Variants in RNF20 observed in about 807,000 individuals in gnomAD.
RNF20 encodes the protein E3 ubiquitin-protein ligase BRE1A.
A neutral mutation model predicts 126.2 loss-of-function variants in RNF20; 84 were observed. The observed-to-expected ratio is 0.67, with a 90% CI of 0.56 to 0.80. The LOEUF (loss-of-function observed/expected upper bound fraction) is 0.80. Among genes scored for constraint, RNF20 ranks in the 30% least tolerant of loss-of-function variants. RNF20 has a pLI of 0.00. For synonymous variants in RNF20, 400 were observed against 414.3 expected (o/e 0.97, Z 0.42); for missense variants, 869 against 1,188.2 (o/e 0.73, Z 3.95).
Position 101,557,412 on chromosome 9 carries a change from A to G in RNF20, c.2198A>G (p.Asp733Gly). 6.2e-7 allele frequency: 1 copy of G among 1,613,824 alleles called. No homozygotes were observed. Among genetic ancestry groups the G allele is most frequent in the East Asian group, 2.2e-5 (1 of 44,858 alleles). The stretch of plus-strand genomic sequence containing the variant: ...GAAGAAGCACTCCTCTCTGAAATGG[A>G]TGTCACAGGCCAGGCCTTTGAAGAC... Reference protein sequence around the residue: ...QEEEALLSEMDVTGQAFEDMQ... With the variant: ...QEEEALLSEMGVTGQAFEDMQ... The change falls in exon 16 of 20, where the codon GAT becomes GGT. Residue 733 changes from aspartate to glycine, a missense_variant. By Grantham distance (94) the Asp-to-Gly change is moderately conservative (BLOSUM62 -1). This residue lies in a region of RNF20 where 30 missense variants were observed against 75.2 expected (regional missense o/e 0.40). Coordinates refer to ENST00000389120, the MANE Select transcript of RNF20 (RefSeq NM_019592.7).
At chr9:101,555,265 A>G (rs527236586) in intron 15 of RNF20, among the ~76,000 whole-genome samples, 17 of 151,968 alleles carry the variant, frequency 1.1e-4, no homozygotes, top group African/African-American at 4.1e-4. Context: ...ATATATTTCT[A>G]TGTAGTACAT....
chr9:101,543,038 T>G (rs957881575), intron 5 of RNF20, among the ~76,000 whole-genome samples: 5 of 152,252 alleles, frequency 3.3e-5, no homozygotes, highest in African/African-American at 1.2e-4. Context: ...TAGTTTCTAC[T>G]TCCCCATTCC....
At chr9:101,556,532 T>G (rs932667079) in intron 15 of RNF20, among the ~76,000 whole-genome samples, 1 of 152,178 alleles carries the variant, frequency 6.6e-6, no homozygotes, top group Non-Finnish European at 1.5e-5. Context: ...ACTAGGATGA[T>G]TTCCAAATGG....
chr9:101,557,514 G>GT lies in RNF20; in HGVS notation c.2301dup (p.Ile768TyrfsTer8). 1.2e-6 allele frequency: 2 copies of GT among 1,613,980 alleles called. No homozygotes were observed. Among genetic ancestry groups the GT allele is most frequent in the African/African-American group, 1.3e-5 (1 of 75,022 alleles). On this transcript the variant is annotated frameshift_variant, in exon 16 of 20. Coordinates refer to ENST00000389120, the MANE Select transcript of RNF20 (RefSeq NM_019592.7). LOFTEE classifies it high-confidence loss of function. ...GCAAATTTCAAGCTCATGTCAGAGC[G>GT]TATCAAGTCCAATCAGATCCATAAG...
Position 101,557,575 on chromosome 9 carries a change from G to C in RNF20, c.2361G>C (p.Gln787His). The C allele has an allele frequency of 2.5e-6, 4 of 1,613,678 alleles. No homozygotes were observed. In the East Asian group the frequency reaches 6.7e-5, roughly 27 times the overall value. Residue 787 changes from glutamine (Q) to histidine (H), a missense_variant, in exon 16 of 20, where the codon CAG becomes CAC. Physicochemically the swap from Gln to His is conservative, Grantham distance 24 (BLOSUM62 0). This residue lies in a region of RNF20 where 150 missense variants were observed against 173.7 expected (regional missense o/e 0.86). Transcript: ENST00000389120. ...AAGAGAAGGAGGAGCTGGCAGACCA[G>C]GTGTTGACTCTGAAGACTCAGGTAA... is the stretch of plus-strand genomic sequence containing the variant. Reference protein sequence around the residue: ...LKEEKEELADQVLTLKTQVDA... With the variant: ...LKEEKEELADHVLTLKTQVDA...
At chr9:101,534,141 C>G (rs1026939328) in intron 1 of RNF20, 2 of 152,066 alleles carry the variant, frequency 1.3e-5, no homozygotes, top group African/African-American at 4.8e-5. Flanking sequence ...TCTTCTCTCT[C>G]CAGGCGAGGT....
At chr9:101,553,906 C>A (rs2118722811) in intron 13 of RNF20, 82 bp from the exon 14 acceptor site, 2 of 733,160 alleles carry the variant, frequency 2.7e-6, no homozygotes, top group East Asian at 5.3e-5. Context: ...TTAAAATATT[C>A]TGCTCAATCA....
At chr9:101,557,316 G>C (rs1789166470) in intron 15 of RNF20, 68 bp from the exon 16 acceptor site, 1 of 1,185,216 alleles carries the variant, frequency 8.4e-7, no homozygotes, top group Non-Finnish European at 1.2e-6. Context: ...GGAAAATTTA[G>C]TTTCCTGTGC....
intron 5 of RNF20, among the ~76,000 whole-genome samples, chr9:101,543,230 A>G (rs541210083): frequency 1.3e-5 from 2 of 152,264 alleles, no homozygotes; most frequent in South Asian, 2.1e-4. Flanking sequence ...AGTAAGGTCT[A>G]TAAATTCATC....
intron 9 of RNF20, among the ~76,000 whole-genome samples, chr9:101,547,791 T>C (rs149154340): frequency 3.1e-4 from 47 of 152,320 alleles, no homozygotes; most frequent in African/African-American, 1.1e-3. Context: ...ATAAAGATGC[T>C]CGCTGTCATT....
chr9:101,561,943 A>G lies in RNF20; in HGVS notation c.2683A>G (p.Thr895Ala), dbSNP rs1270881042. The G allele has an allele frequency of 1.9e-6, 3 of 1,613,606 alleles. No homozygotes were observed. The East Asian group carries it at 6.7e-5, about 36-fold the overall frequency. The change falls in exon 19 of 20, where the codon ACC becomes GCC. Residue 895 changes from threonine to alanine, a missense_variant. This residue lies in a region of RNF20 where 150 missense variants were observed against 173.7 expected (regional missense o/e 0.86). Transcript: ENST00000389120. Reference sequence around the variant, plus strand: ...CTCTAGACTTCGCAGGAAGCTGGAGACCACAAAGAAACCAGACAATGTACC... The same window carrying G: ...CTCTAGACTTCGCAGGAAGCTGGAGGCCACAAAGAAACCAGACAATGTACC... The part of the protein sequence containing the change: ...DISRLRRKLE[T>A]TKKPDNVPKC...
intron 15 of RNF20, 80 bp downstream of exon 15, chr9:101,554,923 T>C (rs1000830573): frequency 5.9e-6 from 7 of 1,183,744 alleles, no homozygotes; most frequent in Non-Finnish European, 6.6e-6. Context: ...AAATTTGCTT[T>C]TTTATTTTGG....
At chr9:101,560,976 A>G in intron 17 of RNF20, 50 bp downstream of exon 17, 1 of 1,602,280 alleles carries the variant, frequency 6.2e-7, no homozygotes. Flanking sequence ...ACAAATAAGT[A>G]TAACACTGTT....
At chr9:101,554,306 G>A (rs978486173) in intron 14 of RNF20, among the ~76,000 whole-genome samples, 6 of 152,100 alleles carry the variant, frequency 3.9e-5, no homozygotes, top group Admixed American at 3.9e-4. Context: ...TGAATTACTG[G>A]GGTTATGAGT....
intron 19 of RNF20, 104 bp downstream of exon 19, chr9:101,562,115 T>G: frequency 7.7e-7 from 1 of 1,306,770 alleles, no homozygotes; most frequent in Non-Finnish European, 1.1e-6. Flanking sequence ...TGGTTTATTT[T>G]GGAGGTTGGG....
At chr9:101,541,525 T>A (rs923416836) in intron 5 of RNF20, among the ~76,000 whole-genome samples, 1 of 152,262 alleles carries the variant, frequency 6.6e-6, no homozygotes, top group South Asian at 2.1e-4. Flanking sequence ...TATACTGATA[T>A]ACTCTATTAA....
Position 101,544,690 on chromosome 9 carries a change from GA to G in RNF20, c.629-76del, listed in dbSNP as rs1827318971. 1.0e-5 allele frequency: 10 copies of G among 980,716 alleles called. No homozygotes were observed. The South Asian group carries it at 1.2e-4, about 12-fold the overall frequency. The allele number at this position is 980,716 out of a possible 1,614,324, so 60.8% of individuals were successfully genotyped here. A position where few individuals can be genotyped will look rare whatever the true frequency, so the allele number is the denominator to read the frequency against. ...CCACTGTACTCCAGCCTGGGCGATA[GA>G]GCAAGACTCCGTCTTAAAAAAAAAA... On this transcript the variant is annotated intron_variant, in intron 5 of 19. Transcript: ENST00000389120.
chr9:101,541,435 A>T (rs1352408507), intron 5 of RNF20, among the ~76,000 whole-genome samples: 3 of 152,230 alleles, frequency 2.0e-5, no homozygotes, highest in Non-Finnish European at 4.4e-5. Context: ...TCATTATGGC[A>T]TATTAATCTT....
In RNF20 at chr9:101,550,729, C is replaced by G; in HGVS notation, c.1216C>G (p.Arg406Gly). The G allele has an allele frequency of 1.2e-6, 2 of 1,614,124 alleles. No individual in the cohort carries two copies. The highest frequency in any genetic ancestry group is 1.7e-6 in the Non-Finnish European group (2 of 1,179,984). Residue 406 changes from arginine (R) to glycine (G), a missense_variant, in exon 10 of 20, where the codon CGG becomes GGG. Coordinates refer to ENST00000389120, the MANE Select transcript of RNF20 (RefSeq NM_019592.7). ...LQLKAHLDEA[R>G]TLLHGTRGTH... The stretch of plus-strand genomic sequence containing the variant: ...GTTGAAAGCACACTTGGATGAGGCT[C>G]GGACCCTGCTTCATGGCACCAGAGG...
Sources: gnomAD v4.1 joint callset for allele counts (sites outside exome capture counted in the v4.1 genomes callset) on GRCh38, gnomAD v4.1.1 for gene constraint, gnomAD v4.1.1 regional missense constraint, MANE v1.5 for transcripts, NCBI Gene and HGNC (gene_info 2026-07-23, HGNC 2026-07-21) for gene names.